Variants in SPMIP2 observed in about 807,000 individuals in gnomAD.
SPMIP2 encodes the protein protein SPMIP2.
the SPMIP2 span, among the ~76,000 whole-genome samples, chr4:159,058,388 A>ATTG: frequency 6.6e-6 from 1 of 152,106 alleles, no homozygotes; most frequent in Admixed American, 6.5e-5. Context: ...TTGGTTATAT[A>ATTG]TTGTTTTGTG....
At chr4:159,016,660 G>A in the SPMIP2 span, among the ~76,000 whole-genome samples, 401 of 152,252 alleles carry the variant, frequency 2.6e-3, 1 homozygote, top group African/African-American at 9.4e-3. Context: ...CAGCCTAGCT[G>A]CTTCAAGCGT....
At chr4:158,977,600 CTTTTTTTTT>C in the SPMIP2 span, among the ~76,000 whole-genome samples, 265 of 72,396 alleles carry the variant, frequency 3.7e-3, 1 homozygote, top group South Asian at 5.1e-3. Context: ...TCCTTCAGTT[CTTTTTTTTT>C]TTTTTTTTTT....
At chr4:158,980,976 G>C in the SPMIP2 span, among the ~76,000 whole-genome samples, 1 of 152,166 alleles carries the variant, frequency 6.6e-6, no homozygotes. Context: ...TAGAGGAATT[G>C]CTAACTAGAA....
At chr4:158,968,656 G>A in the SPMIP2 span, among the ~76,000 whole-genome samples, 18 of 152,272 alleles carry the variant, frequency 1.2e-4, no homozygotes, top group South Asian at 3.5e-3. Context: ...CTCAGGCAAG[G>A]AACCTCACCT....
chr4:158,978,989 G>A, the SPMIP2 span, among the ~76,000 whole-genome samples: 11 of 152,200 alleles, frequency 7.2e-5, no homozygotes, highest in African/African-American at 2.7e-4. Flanking sequence ...TCCCCCAGGT[G>A]CTCTGTCCCA....
chr4:158,947,578 T>C, the SPMIP2 span, among the ~76,000 whole-genome samples: 2 of 152,172 alleles, frequency 1.3e-5, no homozygotes, highest in Non-Finnish European at 2.9e-5. Context: ...ATTTCTCCCA[T>C]AGTAAGTTGA....
the SPMIP2 span, among the ~76,000 whole-genome samples, chr4:158,938,280 A>G: frequency 6.6e-6 from 1 of 152,244 alleles, no homozygotes; most frequent in South Asian, 2.1e-4. Flanking sequence ...AGAGGTAACA[A>G]AGTGTAAACA....
the SPMIP2 span, among the ~76,000 whole-genome samples, chr4:159,011,889 G>A: frequency 2.0e-5 from 3 of 151,484 alleles, no homozygotes; most frequent in East Asian, 1.9e-4. Context: ...GTGAAACCCC[G>A]TCTCTACTAA....
chr4:159,007,031 G>A, the SPMIP2 span: 2 of 428,876 alleles, frequency 4.7e-6, no homozygotes, highest in Admixed American at 5.7e-5. Context: ...AAGTTTTGAT[G>A]CCGGCAGTAT....
At chr4:159,052,667 CTT>C in the SPMIP2 span, among the ~76,000 whole-genome samples, 2 of 150,836 alleles carry the variant, frequency 1.3e-5, no homozygotes, top group Non-Finnish European at 3.0e-5. Context: ...GAGTTTTGCT[CTT>C]GTTGCCTAGG....
chr4:159,051,015 G>A, the SPMIP2 span, among the ~76,000 whole-genome samples: 1 of 151,838 alleles, frequency 6.6e-6, no homozygotes, highest in African/African-American at 2.4e-5. Flanking sequence ...GCTGAGGCAG[G>A]AGAATCACCT....
the SPMIP2 span, among the ~76,000 whole-genome samples, chr4:159,075,810 T>G: frequency 6.6e-6 from 1 of 151,738 alleles, no homozygotes; most frequent in Non-Finnish European, 1.5e-5. Flanking sequence ...TTTTAAATTC[T>G]GAAAGCTCTT....
chr4:159,062,056 C>T, the SPMIP2 span, among the ~76,000 whole-genome samples: 1 of 152,136 alleles, frequency 6.6e-6, no homozygotes, highest in Admixed American at 6.5e-5. Flanking sequence ...TGTACAAATG[C>T]CACGTGTGTG....
At chr4:158,997,305 A>G in the SPMIP2 span, among the ~76,000 whole-genome samples, 2 of 148,074 alleles carry the variant, frequency 1.4e-5, no homozygotes, top group African/African-American at 2.5e-5. Flanking sequence ...ATCTTAGCTC[A>G]CTGCAACCTC....
chr4:159,028,700 A>G, the SPMIP2 span, among the ~76,000 whole-genome samples: 2 of 152,210 alleles, frequency 1.3e-5, no homozygotes, highest in African/African-American at 4.8e-5. Flanking sequence ...TTGTATGTAA[A>G]CAGATGTTTT....
chr4:158,893,411 T>G, the SPMIP2 span: 1 of 317,290 alleles, frequency 3.2e-6, no homozygotes, highest in Non-Finnish European at 5.8e-6. Context: ...AGAGAATGAA[T>G]GTAAAGCACT....
At chr4:159,048,915 A>G in the SPMIP2 span, among the ~76,000 whole-genome samples, 1 of 152,020 alleles carries the variant, frequency 6.6e-6, no homozygotes, top group African/African-American at 2.4e-5. Context: ...ACTAAATGAT[A>G]TAAAGTTAAA....
the SPMIP2 span, among the ~76,000 whole-genome samples, chr4:158,983,976 A>C: frequency 9.2e-6 from 1 of 108,914 alleles, no homozygotes; most frequent in African/African-American, 3.5e-5. Flanking sequence ...GAAAACAAAA[A>C]AAGGCAGGGG....
chr4:158,928,780 C>T, the SPMIP2 span, among the ~76,000 whole-genome samples: 7,888 of 152,174 alleles, frequency 0.052, 567 homozygotes, highest in African/African-American at 0.16. Flanking sequence ...CTAAGGTCTG[C>T]GGCTTCACTC....
Sources: gnomAD v4.1 joint callset for allele counts (sites outside exome capture counted in the v4.1 genomes callset) on GRCh38, gnomAD v4.1.1 for gene constraint, MANE v1.5 for transcripts, NCBI Gene and HGNC (gene_info 2026-07-23, HGNC 2026-07-21) for gene names.